Variants in HERC3 observed in about 807,000 individuals in gnomAD.
The protein encoded by HERC3 is probable E3 ubiquitin-protein ligase HERC3.
In HERC3, 58 loss-of-function variants were observed where a neutral mutation model predicts 129.9. The ratio of observed to expected loss-of-function variants is 0.45; its 90% CI spans 0.36 to 0.56. The LOEUF is 0.56. HERC3 is among the 20% of genes least tolerant of loss of function. The pLI, the probability that HERC3 is intolerant of heterozygous loss-of-function variation, is 0.00. For missense variants in HERC3, 835 were observed against 1,244.2 expected (o/e 0.67, Z 4.95); for synonymous variants, 430 against 451.0 (o/e 0.95, Z 0.59).
chr4:88,703,453 A>G (rs2149350272), intron 23 of HERC3, among the ~76,000 whole-genome samples: 1 of 152,226 alleles, frequency 6.6e-6, no homozygotes, highest in South Asian at 2.1e-4. Context: ...ACTGCCTATG[A>G]GGTTTCTGTT....
At chr4:88,668,172 C>T in intron 14 of HERC3, 91 bp downstream of exon 14, 1 of 1,023,540 alleles carries the variant, frequency 9.8e-7, no homozygotes, top group Non-Finnish European at 1.5e-6. Context: ...ATCCAAGAAT[C>T]TATTTGTTGC....
At chr4:88,563,741 C>T in the HERC3 span, among the ~76,000 whole-genome samples, 1 of 151,528 alleles carries the variant, frequency 6.6e-6, no homozygotes, top group Non-Finnish European at 1.5e-5. Flanking sequence ...CTCACAGCAA[C>T]CTCCACCTCC....
At chr4:88,523,864 C>T in the HERC3 span, 2 of 623,476 alleles carry the variant, frequency 3.2e-6, no homozygotes, top group South Asian at 2.3e-5. Flanking sequence ...GAGGGTGCTT[C>T]TGCTCCGACT....
At chr4:88,628,748 C>CA (rs1726413637) in intron 3 of HERC3, among the ~76,000 whole-genome samples, 1 of 152,132 alleles carries the variant, frequency 6.6e-6, no homozygotes, top group Non-Finnish European at 1.5e-5. Flanking sequence ...AAATAACATA[C>CA]AGTTTAAAAT....
intron 21 of HERC3, among the ~76,000 whole-genome samples, chr4:88,686,140 A>G (rs1024285335): frequency 2.0e-5 from 3 of 151,796 alleles, no homozygotes; most frequent in Non-Finnish European, 4.4e-5. Flanking sequence ...TCCTCTCTCC[A>G]TCTCTTAAAA....
intron 2 of HERC3, among the ~76,000 whole-genome samples, chr4:88,602,592 C>T (rs566685602): frequency 3.3e-5 from 5 of 151,922 alleles, no homozygotes; most frequent in Non-Finnish European, 5.9e-5. Flanking sequence ...ATCCTCTCAC[C>T]CCAGCACCCC....
intron 3 of HERC3, among the ~76,000 whole-genome samples, chr4:88,632,570 A>C (rs1726893834): frequency 6.6e-6 from 1 of 152,258 alleles, no homozygotes; most frequent in South Asian, 2.1e-4. Context: ...CAAAGTTCTC[A>C]GGCAAGAAAT....
At chr4:88,572,634 A>C in the HERC3 span, among the ~76,000 whole-genome samples, 5 of 149,698 alleles carry the variant, frequency 3.3e-5, no homozygotes, top group South Asian at 2.1e-4. Flanking sequence ...CATGGTGAAA[A>C]CCCGTCTCTA....
At chr4:88,669,781 A>G in intron 14 of HERC3, 79 bp from the exon 15 acceptor site, 2 of 1,279,838 alleles carry the variant, frequency 1.6e-6, no homozygotes, top group Middle Eastern at 1.9e-4. Context: ...AGACAAAGCA[A>G]TTTTTAACTG....
chr4:88,702,825 TG>T (rs1287303830), intron 23 of HERC3, among the ~76,000 whole-genome samples: 1 of 152,224 alleles, frequency 6.6e-6, no homozygotes, highest in Non-Finnish European at 1.5e-5. Context: ...CCCCCCAAAA[TG>T]TTTATGTCTA....
chr4:88,624,491 T>G (rs1462006194), intron 3 of HERC3, among the ~76,000 whole-genome samples: 1 of 152,234 alleles, frequency 6.6e-6, no homozygotes, highest in Admixed American at 6.5e-5. Flanking sequence ...ACAGCTTTTC[T>G]TGTGCTTATT....
chr4:88,684,380 T>G (rs890714358), intron 21 of HERC3, among the ~76,000 whole-genome samples: 4 of 152,170 alleles, frequency 2.6e-5, no homozygotes, highest in African/African-American at 9.7e-5. Flanking sequence ...GATTCCCTAT[T>G]TAATAAATGG....
At chr4:88,645,541 C>G (rs1449085176) in intron 3 of HERC3, among the ~76,000 whole-genome samples, 1 of 151,902 alleles carries the variant, frequency 6.6e-6, no homozygotes, top group African/African-American at 2.4e-5. Context: ...GGATGTGTTC[C>G]AAGACCCCCA....
At chr4:88,532,623 C>T in the HERC3 span, among the ~76,000 whole-genome samples, 1 of 152,136 alleles carries the variant, frequency 6.6e-6, no homozygotes, top group South Asian at 2.1e-4. Flanking sequence ...TACCAGCTAA[C>T]TAGGCATCCC....
intron 7 of HERC3, 130 bp downstream of exon 7, chr4:88,654,263 GT>G: frequency 3.9e-6 from 2 of 516,808 alleles, no homozygotes; most frequent in Non-Finnish European, 6.7e-6. Flanking sequence ...TCTCTTTTAT[GT>G]GGGTTTGTTG....
At chr4:88,688,825 G>GAAAACGT (rs1306334599) in intron 23 of HERC3, among the ~76,000 whole-genome samples, 3 of 152,116 alleles carry the variant, frequency 2.0e-5, no homozygotes, top group Non-Finnish European at 4.4e-5. Context: ...CAAGAGCAAG[G>GAAAACGT]AAAACGTAAT....
chr4:88,536,296 T>G, the HERC3 span, among the ~76,000 whole-genome samples: 2 of 152,206 alleles, frequency 1.3e-5, no homozygotes, highest in African/African-American at 4.8e-5. Context: ...GCCCAGAATA[T>G]CTTTACTCCA....
the HERC3 span, among the ~76,000 whole-genome samples, chr4:88,544,431 G>C: frequency 6.6e-6 from 1 of 152,346 alleles, no homozygotes; most frequent in African/African-American, 2.4e-5. Context: ...AGATGCTGGA[G>C]AGGATGTGGA....
At chr4:88,687,357 C>T (rs1435699888) in intron 23 of HERC3, 58 bp downstream of exon 23, 3 of 1,124,926 alleles carry the variant, frequency 2.7e-6, no homozygotes, top group African/African-American at 1.6e-5. Context: ...TGCAGTTTTA[C>T]ATTTAAGACC....
Sources: gnomAD v4.1 joint callset for allele counts (sites outside exome capture counted in the v4.1 genomes callset) on GRCh38, gnomAD v4.1.1 for gene constraint, MANE v1.5 for transcripts, NCBI Gene and HGNC (gene_info 2026-07-23, HGNC 2026-07-21) for gene names.